The following ZNF684 variants were observed in gnomAD, a reference collection of about 807,000 sequenced individuals.
ZNF684 encodes the protein zinc finger protein 684.
A neutral mutation model predicts 12.8 loss-of-function variants in ZNF684; 13 were observed. The observed-to-expected ratio is 1.02, with a 90% CI of 0.66 to 1.62. ZNF684 has a LOEUF of 1.62. Ranked by LOEUF, ZNF684 falls within the 40% of genes most tolerant of loss-of-function variation. ZNF684 has a pLI of 0.00. For synonymous variants in ZNF684, 118 were observed against 151.8 expected, an observed-to-expected ratio of 0.78 and a Z score of 1.64; for missense variants, 384 against 446.9, an observed-to-expected ratio of 0.86 and a Z score of 1.27.
At chr1:40,540,782 T>C (rs1646010265) in intron 3 of ZNF684, 70 bp downstream of exon 3, 2 of 1,358,586 alleles carry the variant, frequency 1.5e-6, no homozygotes, top group Non-Finnish European at 1.9e-6. Flanking sequence ...TTTTAAGACT[T>C]GGGAACGTTT....
intron 4 of ZNF684, chr1:40,544,902 G>C (rs1374181350): frequency 6.6e-6 from 1 of 152,178 alleles, no homozygotes; most frequent in African/African-American, 2.4e-5. Flanking sequence ...GGAGATAAGG[G>C]GGGGTGCAAA....
intron 4 of ZNF684, among the ~76,000 whole-genome samples, chr1:40,543,997 T>A (rs1646030583): frequency 6.6e-6 from 1 of 152,008 alleles, no homozygotes; most frequent in Non-Finnish European, 1.5e-5. Context: ...TCTTTTTCTT[T>A]TTTTTTTTAT....
chr1:40,543,561 A>T, intron 4 of ZNF684, among the ~76,000 whole-genome samples: 1 of 150,018 alleles, frequency 6.7e-6, no homozygotes, highest in East Asian at 2.0e-4. Flanking sequence ...GGTTCACGCC[A>T]TTCTCCTGCC....
intron 4 of ZNF684, among the ~76,000 whole-genome samples, chr1:40,545,766 A>G (rs1646043025): frequency 6.6e-6 from 1 of 152,146 alleles, no homozygotes; most frequent in African/African-American, 2.4e-5. Context: ...GGAAAAAGGC[A>G]CAAGTGAGAG....
intron 4 of ZNF684, among the ~76,000 whole-genome samples, chr1:40,542,884 T>A (rs1646023941): frequency 6.6e-6 from 1 of 152,258 alleles, no homozygotes; most frequent in Non-Finnish European, 1.5e-5. Context: ...AAATTAAATT[T>A]TCCCTTTCTG....
At chr1:40,541,429 C>G (rs898597926) in intron 3 of ZNF684, 186 bp from the exon 4 acceptor site, 3 of 442,892 alleles carry the variant, frequency 6.8e-6, no homozygotes, top group Admixed American at 3.4e-5. Context: ...ATGATCCGCC[C>G]GCCTCAGCCT....
At position 40,547,130 on chromosome 1, in the gene ZNF684, G is replaced by C; in HGVS notation, c.807G>C (p.Lys269Asn). 6.2e-7 allele frequency: 1 copy of C among 1,614,198 alleles called. No individual in the cohort carries two copies. The highest frequency in any genetic ancestry group is 8.5e-7 in the Non-Finnish European group (1 of 1,180,028). Residue 269 changes from lysine (K) to asparagine (N), a missense_variant, in exon 5 of 5, where the codon AAG becomes AAC. Transcript: ENST00000372699. ...ACGTGAAATCTCATACACTTGAGAAGTCATTTGAATGTAAGGAATGTGGGA... is the reference window on the plus strand; with the variant it reads ...ACGTGAAATCTCATACACTTGAGAACTCATTTGAATGTAAGGAATGTGGGA... ...NQHVKSHTLE[K>N]SFECKECGKT...
rs1207170437 is a variant in ZNF684, at chr1:40,546,674, C to G, written c.351C>G (p.His117Gln). The G allele has an allele frequency of 2.5e-6, 4 of 1,610,244 alleles. No homozygotes were observed. Among genetic ancestry groups the G allele is most frequent in the Non-Finnish European group, 2.5e-6 (3 of 1,179,146 alleles). Residue 117 changes from histidine (H) to glutamine (Q), a missense_variant, in exon 5 of 5, where the codon CAC (histidine) becomes CAG (glutamine). Transcript: ENST00000372699. ...FNKILTMERIHHYNMSTSLNP... is the reference protein window; with the variant it reads ...FNKILTMERIQHYNMSTSLNP... ...AAATTCTGACTATGGAGAGAATCCACCATTATAATATGAGCACAAGTCTTA... is the reference window on the plus strand; with the variant it reads ...AAATTCTGACTATGGAGAGAATCCAGCATTATAATATGAGCACAAGTCTTA...
Position 40,546,595 on chromosome 1 carries a change from A to G in ZNF684, c.272A>G (p.Lys91Arg), listed in dbSNP as rs1646049831. The part of the protein sequence containing the change: ...SDYPLVDEPG[K>R]HRESKDNFLK... ...TACCCACTTGTTGATGAACCAGGGA[A>G]GCATCGGGAAAGCAAAGACAATTTT... Residue 91 changes from lysine (K) to arginine (R), a missense_variant, in exon 5 of 5, where the codon AAG becomes AGG. Physicochemically the swap from Lys to Arg is conservative, Grantham distance 26. Transcript: ENST00000372699. The G allele has an allele frequency of 6.4e-7, 1 of 1,574,790 alleles. No individual in the cohort carries two copies. The highest frequency in any genetic ancestry group is 8.6e-7 in the Non-Finnish European group (1 of 1,163,830).
intron 4 of ZNF684, among the ~76,000 whole-genome samples, chr1:40,544,245 A>G (rs1646031796): frequency 6.6e-6 from 1 of 152,046 alleles, no homozygotes; most frequent in African/African-American, 2.4e-5. Flanking sequence ...TCTCATTACC[A>G]TTTTCTAACT....
At chr1:40,544,510 C>G (rs1269621456) in intron 4 of ZNF684, 4 of 304,194 alleles carry the variant, frequency 1.3e-5, no homozygotes, top group Non-Finnish European at 2.6e-5. Flanking sequence ...CGCCACCATG[C>G]CTGGCTAATT....
At chr1:40,545,368 A>T (rs1646040568) in intron 4 of ZNF684, among the ~76,000 whole-genome samples, 1 of 152,174 alleles carries the variant, frequency 6.6e-6, no homozygotes, top group Non-Finnish European at 1.5e-5. Context: ...TGTTTTGAGG[A>T]TAGTGAAAAA....
chr1:40,544,382 C>CT (rs1251805390), intron 4 of ZNF684: 9 of 424,426 alleles, frequency 2.1e-5, no homozygotes, highest in East Asian at 9.1e-5. Context: ...GTTTGTTTGT[C>CT]TTTTTTTGAG....
intron 1 of ZNF684, 46 bp from the exon 2 acceptor site, chr1:40,533,097 G>A: frequency 6.5e-7 from 1 of 1,530,804 alleles, no homozygotes; most frequent in Non-Finnish European, 9.0e-7. Context: ...ATGCAGTCCT[G>A]GTATCTCAGG....
At chr1:40,541,557 G>A in intron 3 of ZNF684, 58 bp from the exon 4 acceptor site, 1 of 1,401,488 alleles carries the variant, frequency 7.1e-7, no homozygotes, top group Non-Finnish European at 1.0e-6. Flanking sequence ...CCCAAGTTGT[G>A]AGCTGGTTGT....
chr1:40,544,568 T>C, intron 4 of ZNF684: 1 of 232,214 alleles, frequency 4.3e-6, no homozygotes, highest in Non-Finnish European at 8.9e-6. Flanking sequence ...GCCAGGATGG[T>C]CTTGATCTCT....
intron 2 of ZNF684, among the ~76,000 whole-genome samples, chr1:40,536,343 G>A (rs1168427039): frequency 6.8e-6 from 1 of 148,134 alleles, no homozygotes; most frequent in Non-Finnish European, 1.5e-5. Flanking sequence ...GCAGTGAGCC[G>A]AGATCGCACC....
chr1:40,545,590 A>G (rs974831675), intron 4 of ZNF684, among the ~76,000 whole-genome samples: 11 of 152,184 alleles, frequency 7.2e-5, no homozygotes, highest in African/African-American at 2.7e-4. Flanking sequence ...CTTGCTGGAC[A>G]TTTGTGTTCC....
chr1:40,547,578 T>A lies in ZNF684; in HGVS notation c.*118T>A, dbSNP rs915208795. 19 of 971,750 alleles carry A rather than the reference T, an allele frequency of 2.0e-5. No individual in the cohort carries two copies. In the African/African-American group the frequency reaches 3.1e-4, roughly 16 times the overall value. 60.2% of individuals were successfully genotyped at this position (971,750 alleles called of 1,614,324 possible). A position where few individuals can be genotyped will look rare whatever the true frequency, so the allele number is the denominator to read the frequency against. On this transcript the variant is annotated 3_prime_UTR_variant, in exon 5 of 5. Transcript: ENST00000372699. ...ATGAATTTGGAAGAGTAGATTCCCA[T>A]AAAAAACAACCAATGCCAATCATGT...
Sources: allele counts gnomAD v4.1 joint callset (sites outside exome capture counted in the v4.1 genomes callset), GRCh38; gene constraint gnomAD v4.1.1; transcripts MANE v1.5; gene names NCBI Gene and HGNC (gene_info 2026-07-23, HGNC 2026-07-21).